Variants in ARHGEF38 observed in about 807,000 individuals in gnomAD.
The protein encoded by ARHGEF38 is Rho guanine nucleotide exchange factor 38.
ARHGEF38 carries 79 observed loss-of-function variants against 79.9 expected under a neutral mutation model. The ratio of observed to expected loss-of-function variants is 0.99; its 90% confidence interval spans 0.82 to 1.19. The LOEUF (loss-of-function observed/expected upper bound fraction) is 1.19. Among genes scored for constraint, ARHGEF38 ranks in the 50% most tolerant of loss-of-function variants. The pLI is 0.00. For synonymous variants in ARHGEF38, 366 were observed against 328.3 expected (o/e 1.11, Z -1.24); for missense variants, 962 against 907.2 (o/e 1.06, Z -0.78).
At chr4:105,613,242 C>T (rs1728371604) in intron 2 of ARHGEF38, 142 bp from the exon 3 acceptor site, 3 of 1,135,032 alleles carry the variant, frequency 2.6e-6, no homozygotes, top group Non-Finnish European at 3.5e-6. Flanking sequence ...AAACTGCACT[C>T]TAGAATTCCT....
Position 105,589,399 on chromosome 4 carries a change from T to C in ARHGEF38, c.348T>C (p.Cys116=). The C allele has an allele frequency of 6.2e-7, 1 of 1,613,356 alleles. No homozygotes were observed. Among genetic ancestry groups the C allele is most frequent in the Non-Finnish European group, 8.5e-7 (1 of 1,179,776 alleles). The change falls in exon 2 of 14, where the codon TGT becomes TGC. Residue 116 remains cysteine (C), a synonymous_variant. Coordinates refer to ENST00000420470, the MANE Select transcript of ARHGEF38 (RefSeq NM_001242729.2). ...EKDYLNDLEL[C]VREVVQPLRN... ...ATTATCTCAATGATCTAGAGCTGTG[T>C]GTTAGGGAAGTGGTTCAGCCCCTGA...
chr4:105,631,527 G>A (rs1729193609), intron 4 of ARHGEF38: 2 of 985,362 alleles, frequency 2.0e-6, no homozygotes, highest in African/African-American at 1.7e-5. Flanking sequence ...GTTAGTTTCA[G>A]AACAATTACT....
chr4:105,667,579 G>A lies in ARHGEF38; in HGVS notation c.2024G>A (p.Ser675Asn). Residue 675 changes from serine (S) to asparagine (N), a missense_variant, in exon 13 of 14, where the codon AGT (serine) becomes AAT (asparagine). Ser to Asn is a conservative substitution (Grantham distance 46, BLOSUM62 1). Transcript: ENST00000420470. ...ISLFVSSRPA[S>N]DSVTGTSESS... Reference sequence around the variant, plus strand: ...CTCTTCGTGTCTTCACGGCCAGCTAGTGACAGTGTCACAGGCACCTCAGAA... The same window carrying A: ...CTCTTCGTGTCTTCACGGCCAGCTAATGACAGTGTCACAGGCACCTCAGAA... 1 of 1,536,716 alleles carries A rather than the reference G, an allele frequency of 6.5e-7. No individual in the cohort carries two copies. The highest frequency in any genetic ancestry group is 8.7e-7 in the Non-Finnish European group (1 of 1,147,046).
intron 10 of ARHGEF38, among the ~76,000 whole-genome samples, chr4:105,662,532 ATTT>A (rs1329828738): frequency 6.6e-6 from 1 of 151,996 alleles, no homozygotes; most frequent in Non-Finnish European, 1.5e-5. Flanking sequence ...AGGGTTTCAT[ATTT>A]TTTTATTTAA....
At chr4:105,649,002 C>T (rs1333921217) in intron 7 of ARHGEF38, among the ~76,000 whole-genome samples, 1 of 152,134 alleles carries the variant, frequency 6.6e-6, no homozygotes. Flanking sequence ...TGCTCATCAT[C>T]AACTAGCACA....
At chr4:105,563,039 G>C (rs1235590740) in intron 1 of ARHGEF38, among the ~76,000 whole-genome samples, 1 of 152,134 alleles carries the variant, frequency 6.6e-6, no homozygotes, top group Non-Finnish European at 1.5e-5. Context: ...TTGGGAAAAG[G>C]CATGGCCTGA....
chr4:105,646,206 AT>A (rs1729832637), intron 6 of ARHGEF38, among the ~76,000 whole-genome samples: 1 of 152,198 alleles, frequency 6.6e-6, no homozygotes, highest in African/African-American at 2.4e-5. Context: ...ATATATTTGT[AT>A]TAGTAAATTA....
At chr4:105,662,065 T>C (rs1162037048) in intron 10 of ARHGEF38, among the ~76,000 whole-genome samples, 1 of 152,172 alleles carries the variant, frequency 6.6e-6, no homozygotes, top group Non-Finnish European at 1.5e-5. Context: ...ATGTACCATT[T>C]TGGATTCCCA....
At chr4:105,572,935 G>A (rs1296630666) in intron 1 of ARHGEF38, among the ~76,000 whole-genome samples, 1 of 152,114 alleles carries the variant, frequency 6.6e-6, no homozygotes, top group Admixed American at 6.5e-5. Flanking sequence ...CATCCTTATG[G>A]GTGCAAAGTG....
intron 3 of ARHGEF38, among the ~76,000 whole-genome samples, chr4:105,615,564 T>C (rs1410061565): frequency 6.6e-6 from 1 of 152,242 alleles, no homozygotes; most frequent in Non-Finnish European, 1.5e-5. Context: ...GTCTAGAGCA[T>C]ACTGATTTTA....
intron 1 of ARHGEF38, among the ~76,000 whole-genome samples, chr4:105,564,792 T>C (rs2110408557): frequency 6.6e-6 from 1 of 152,316 alleles, no homozygotes; most frequent in South Asian, 2.1e-4. Flanking sequence ...AGTCAAACTC[T>C]GTGAAATATT....
chr4:105,557,426 C>A (rs1725303523), intron 1 of ARHGEF38, among the ~76,000 whole-genome samples: 1 of 151,938 alleles, frequency 6.6e-6, no homozygotes, highest in African/African-American at 2.4e-5. Flanking sequence ...TGAATTATAT[C>A]ACTGACATTA....
chr4:105,557,118 G>A (rs936889815), intron 1 of ARHGEF38, among the ~76,000 whole-genome samples: 5 of 151,714 alleles, frequency 3.3e-5, no homozygotes, highest in African/African-American at 7.3e-5. Flanking sequence ...ACTCAGAAAG[G>A]GTTTCATAAA....
intron 13 of ARHGEF38, among the ~76,000 whole-genome samples, chr4:105,671,548 C>T (rs1730958468): frequency 6.6e-6 from 1 of 152,140 alleles, no homozygotes; most frequent in Admixed American, 6.5e-5. Context: ...TGCCCCAGGG[C>T]CGATGTTTCT....
intron 1 of ARHGEF38, among the ~76,000 whole-genome samples, chr4:105,583,410 G>A (rs1030980649): frequency 1.3e-5 from 2 of 152,040 alleles, no homozygotes; most frequent in African/African-American, 4.8e-5. Context: ...GCCACACATT[G>A]CTCTGCTTCC....
At chr4:105,664,779 G>A (rs1024515883) in intron 10 of ARHGEF38, among the ~76,000 whole-genome samples, 1 of 152,188 alleles carries the variant, frequency 6.6e-6, no homozygotes, top group Non-Finnish European at 1.5e-5. Context: ...AAGAAATATG[G>A]GGAGGGAGCA....
chr4:105,604,127 C>A (rs1727940094), intron 2 of ARHGEF38, among the ~76,000 whole-genome samples: 1 of 152,110 alleles, frequency 6.6e-6, no homozygotes, highest in East Asian at 1.9e-4. Flanking sequence ...AAAAGAGGTG[C>A]AAAGGCAAGG....
At chr4:105,681,910 G>C (rs374621550), downstream of ARHGEF38, among the ~76,000 whole-genome samples, 3 of 152,288 alleles carry the variant, frequency 2.0e-5, no homozygotes, top group East Asian at 3.9e-4. Context: ...CATGGTATAG[G>C]AAGAAGCCAT....
intron 13 of ARHGEF38, among the ~76,000 whole-genome samples, chr4:105,668,662 GTAGATAGATAGATAGATAGATAGATAGA>G (rs10608366): frequency 6.7e-6 from 1 of 148,920 alleles, no homozygotes; most frequent in African/African-American, 2.5e-5. Flanking sequence ...ATGTATATGT[GTAGATAGATAGATAGATAGATAGATAGA>G]TAGATAGATA....
Sources: allele counts gnomAD v4.1 joint callset (sites outside exome capture counted in the v4.1 genomes callset), GRCh38; gene constraint gnomAD v4.1.1; transcripts MANE v1.5; gene names NCBI Gene and HGNC (gene_info 2026-07-23, HGNC 2026-07-21).